The following MACF1 variants were observed in gnomAD, a reference collection of about 807,000 sequenced individuals.
The protein encoded by MACF1 is microtubule-actin cross-linking factor 1.
Under a neutral mutation model 854.8 loss-of-function variants are expected in MACF1, and 193 were observed. The observed-to-expected ratio is 0.23, with a 90% confidence interval of 0.20 to 0.25. The LOEUF (loss-of-function observed/expected upper bound fraction) is 0.25. MACF1 is among the 10% of genes least tolerant of loss of function. MACF1 has a pLI of 1.00. For synonymous variants in MACF1, 3,185 were observed against 3,226.7 expected, an observed-to-expected ratio of 0.99 and a Z score of 0.44; for missense variants, 7,722 against 8,929.1, an observed-to-expected ratio of 0.86 and a Z score of 5.45.
intron 1 of MACF1, among the ~76,000 whole-genome samples, chr1:39,219,069 T>A (rs1644616478): frequency 6.6e-6 from 1 of 152,090 alleles, no homozygotes; most frequent in Admixed American, 6.6e-5. Context: ...GCATGAGCCA[T>A]CACACCCGGC....
chr1:39,461,297 C>T (rs1201538677), intron 92 of MACF1, among the ~76,000 whole-genome samples: 1 of 151,898 alleles, frequency 6.6e-6, no homozygotes, highest in African/African-American at 2.4e-5. Context: ...TCTAAATATC[C>T]AATAATTGTG....
At chr1:39,418,977 ACTT>A (rs1643431945) in intron 58 of MACF1, among the ~76,000 whole-genome samples, 1 of 152,190 alleles carries the variant, frequency 6.6e-6, no homozygotes, top group African/African-American at 2.4e-5. Flanking sequence ...TTACTAGTGT[ACTT>A]CTTTGGAAAA....
intron 6 of MACF1, among the ~76,000 whole-genome samples, chr1:39,281,613 C>T (rs1281337592): frequency 1.3e-5 from 2 of 152,148 alleles, no homozygotes; most frequent in African/African-American, 2.4e-5. Context: ...ACCTCAGCCT[C>T]ATGAGTAACT....
chr1:39,300,104 G>A (rs1646009328), intron 21 of MACF1, 106 bp from the exon 22 acceptor site: 1 of 1,140,154 alleles, frequency 8.8e-7, no homozygotes, highest in African/African-American at 1.6e-5. Context: ...CTACTTAACT[G>A]AGAGATGACA....
intron 2 of MACF1, among the ~76,000 whole-genome samples, chr1:39,248,551 A>G (rs888228452): frequency 4.0e-5 from 6 of 150,994 alleles, no homozygotes; most frequent in African/African-American, 1.2e-4. Context: ...ATTGGAAAGG[A>G]CTTCAGTTTT....
At chr1:39,148,781 C>A (rs1571101928) in intron 2 of MACF1, among the ~76,000 whole-genome samples, 1 of 152,262 alleles carries the variant, frequency 6.6e-6, no homozygotes, top group South Asian at 2.1e-4. Flanking sequence ...GCACACTTAA[C>A]TGTATTTTTA....
chr1:39,288,933 A>G (rs1645710346), intron 15 of MACF1, among the ~76,000 whole-genome samples: 2 of 152,226 alleles, frequency 1.3e-5, no homozygotes, highest in South Asian at 4.1e-4. Context: ...TGATCCCGTA[A>G]TACTCTTCCC....
At chr1:39,423,401 C>T (rs915108276) in intron 60 of MACF1, among the ~76,000 whole-genome samples, 6 of 151,994 alleles carry the variant, frequency 3.9e-5, no homozygotes, top group African/African-American at 1.2e-4. Flanking sequence ...TTTGGGAGGC[C>T]GAGGCAGGCG....
At position 39,385,755 on chromosome 1, in the gene MACF1, G is replaced by A. The variant is rs145533329; in HGVS notation, c.14170G>A (p.Glu4724Lys). The A allele has an allele frequency of 4.6e-4, 748 of 1,614,142 alleles. No homozygotes were observed. Among genetic ancestry groups the A allele is most frequent in the South Asian group, 9.6e-4 (87 of 91,078 alleles). The change falls in exon 57 of 101, where the codon GAA (glutamate) becomes AAA (lysine). Residue 4724 changes from glutamate (E) to lysine (K), a missense_variant. By Grantham distance (56) the Glu-to-Lys change is moderately conservative. This residue lies in a region of MACF1 where 2,807 missense variants were observed against 3,235.8 expected (regional missense o/e 0.87). Coordinates refer to ENST00000564288, the MANE Select transcript of MACF1 (RefSeq NM_001394062.1). Reference protein sequence around the residue: ...TQPEAVKQQLEETSEIRSDLE... With the variant: ...TQPEAVKQQLKETSEIRSDLE... ...ACCAGAGGCTGTAAAGCAGCAATTG[G>A]AAGAGACCAGTGAAATTCGATCTGA... is the stretch of plus-strand genomic sequence containing the variant.
At chr1:39,230,338 G>A (rs1644763910) in intron 1 of MACF1, among the ~76,000 whole-genome samples, 1 of 152,158 alleles carries the variant, frequency 6.6e-6, no homozygotes, top group Non-Finnish European at 1.5e-5. Flanking sequence ...GGCTAAGGTA[G>A]ATTTGCCATG....
chr1:39,424,600 G>A (rs1643663671), intron 61 of MACF1, among the ~76,000 whole-genome samples: 1 of 152,084 alleles, frequency 6.6e-6, no homozygotes, highest in Admixed American at 6.5e-5. Context: ...TTAGCTTATA[G>A]TAATATTAGA....
At chr1:39,291,225 C>T (rs1272042859) in intron 15 of MACF1, among the ~76,000 whole-genome samples, 25 of 152,256 alleles carry the variant, frequency 1.6e-4, no homozygotes, top group African/African-American at 5.8e-4. Flanking sequence ...GATCCACCTG[C>T]CTCAGCCCCC....
chr1:39,106,028 G>GGGAGGAGGA (rs925394534), intron 2 of MACF1, among the ~76,000 whole-genome samples: 1 of 152,136 alleles, frequency 6.6e-6, no homozygotes, highest in South Asian at 2.1e-4. Flanking sequence ...GGAGTTGCTG[G>GGGAGGAGGA]GGAGGAGGAG....
chr1:39,128,217 AT>A (rs996914966), intron 2 of MACF1, among the ~76,000 whole-genome samples: 170 of 147,170 alleles, frequency 1.2e-3, no homozygotes, highest in African/African-American at 3.9e-3. Context: ...TTTATTTTTT[AT>A]TTTTTTTTTA....
intron 71 of MACF1, among the ~76,000 whole-genome samples, chr1:39,438,755 G>A (rs1289456403): frequency 2.6e-5 from 4 of 151,586 alleles, no homozygotes; most frequent in Admixed American, 1.3e-4. Context: ...TCCAGCCTGG[G>A]TGACAGAGTG....
At chr1:39,378,425 G>T in intron 52 of MACF1, 36 bp from the exon 53 acceptor site, 1 of 1,551,718 alleles carries the variant, frequency 6.4e-7, no homozygotes, top group Non-Finnish European at 8.9e-7. Context: ...TAACACGTTG[G>T]TCTTGCCCTG....
At chr1:39,413,146 A>G (rs774252275) in intron 58 of MACF1, 5 of 1,612,694 alleles carry the variant, frequency 3.1e-6, no homozygotes, top group Non-Finnish European at 4.2e-6. Context: ...TTTAGCTATT[A>G]CAGTACCCAT....
At chr1:39,246,354 C>A (rs981731980) in intron 2 of MACF1, among the ~76,000 whole-genome samples, 3 of 152,198 alleles carry the variant, frequency 2.0e-5, no homozygotes, top group Admixed American at 1.3e-4. Context: ...TTTGTAACTT[C>A]TTTGCTGCCA....
chr1:39,359,547 AT>A (rs1647879201), intron 47 of MACF1, among the ~76,000 whole-genome samples: 1 of 152,156 alleles, frequency 6.6e-6, no homozygotes, highest in Non-Finnish European at 1.5e-5. Flanking sequence ...CTTACATTGT[AT>A]TACCCCTGAA....
Sources: allele counts gnomAD v4.1 joint callset (sites outside exome capture counted in the v4.1 genomes callset), GRCh38; gene constraint gnomAD v4.1.1; regional missense constraint gnomAD v4.1.1; transcripts MANE v1.5; gene names NCBI Gene and HGNC (gene_info 2026-07-23, HGNC 2026-07-21).